The following SIN3B variants were observed in gnomAD, a reference collection of about 807,000 sequenced individuals.
SIN3B encodes the protein SIN3 transcription regulator family member B, also known as paired amphipathic helix protein Sin3b.
In SIN3B, 19 loss-of-function variants were observed where a neutral mutation model predicts 120.2. The observed-to-expected ratio is 0.16, with a 90% CI of 0.11 to 0.23. The LOEUF (loss-of-function observed/expected upper bound fraction) is 0.23. Ranked by LOEUF, SIN3B falls within the 10% of genes least tolerant of loss-of-function variation. The pLI is 1.00. For synonymous variants in SIN3B, 654 were observed against 653.2 expected, an observed-to-expected ratio of 1.00 and a Z score of -0.02; for missense variants, 1,073 against 1,573.0, an observed-to-expected ratio of 0.68 and a Z score of 5.38.
chr19:16,869,310 C>T, intron 12 of SIN3B, 150 bp from the exon 13 acceptor site: 1 of 1,014,038 alleles, frequency 9.9e-7, no homozygotes, highest in East Asian at 2.6e-5. Flanking sequence ...CCCCCAGGCC[C>T]TGCTGCCTCA....
At chr19:16,865,304 A>AACCCC in intron 10 of SIN3B, 106 bp from the exon 11 acceptor site, 2 of 462,308 alleles carry the variant, frequency 4.3e-6, no homozygotes, top group Non-Finnish European at 7.9e-6. Flanking sequence ...TTAAATACAC[A>AACCCC]CACCCCCCCC....
intron 17 of SIN3B, 101 bp from the exon 18 acceptor site, chr19:16,878,082 C>T: frequency 1.0e-6 from 1 of 981,866 alleles, no homozygotes; most frequent in Non-Finnish European, 1.5e-6. Context: ...TGGGAGGTAG[C>T]ACATCTTCTG....
chr19:16,868,005 G>A (rs1971802268), intron 12 of SIN3B, among the ~76,000 whole-genome samples: 1 of 152,182 alleles, frequency 6.6e-6, no homozygotes, highest in Admixed American at 6.5e-5. Context: ...CAAAGGGAGG[G>A]GCACCAAGGT....
chr19:16,876,241 C>T lies in SIN3B; in HGVS notation c.2766+13C>T, dbSNP rs748141830. ...GAACTGCTTCAAGGTGAGAGGAGGC[C>T]TGGGGCTGGGAACACGCCGGGAGGC... is the stretch of plus-strand genomic sequence containing the variant. On this transcript the variant is annotated intron_variant, in intron 15 of 18. Transcript: ENST00000248054. The surrounding 1 kb of genome is among the most constrained non-coding windows in gnomAD (Gnocchi z 7.1). 6.2e-7 allele frequency: 1 copy of T among 1,603,080 alleles called. No homozygotes were observed. Among genetic ancestry groups the T allele is most frequent in the Non-Finnish European group, 8.5e-7 (1 of 1,172,618 alleles).
Position 16,836,926 on chromosome 19 carries a change from C to A in SIN3B, c.382-4842C>A, listed in dbSNP as rs190062476. ...TTGGCTCATGGAGCAGGCGGTGACCCCTTCTCCGAGCCAGGCCCTGGGGTT... is the reference window on the plus strand; with the variant it reads ...TTGGCTCATGGAGCAGGCGGTGACCACTTCTCCGAGCCAGGCCCTGGGGTT... On this transcript the variant is annotated intron_variant, in intron 3 of 18. Transcript: ENST00000248054. Among the ~76,000 whole-genome samples the A allele has an allele frequency of 3.3e-5, 5 of 152,278 alleles. No individual in the cohort carries two copies. The East Asian group carries it at 9.6e-4, about 29-fold the overall frequency.
rs555527308 is a variant in SIN3B at position 16,859,142 on chromosome 19, C to T, written c.1059-3210C>T. Among the ~76,000 whole-genome samples the T allele has an allele frequency of 3.9e-5, 6 of 152,066 alleles. No individual in the cohort carries two copies. The South Asian group carries it at 1.0e-3, about 26-fold the overall frequency. On this transcript the variant is annotated intron_variant, in intron 8 of 18. Coordinates refer to ENST00000248054, the MANE Select transcript of SIN3B (RefSeq NM_001297595.2). ...CTCAGCCTGGGTAACAGAGTGAGAA[C>T]CTGTCTCAAAAAAAAATAAGGAAGC...
At chr19:16,873,830 A>C (rs2051545647) in intron 14 of SIN3B, among the ~76,000 whole-genome samples, 6 of 152,208 alleles carry the variant, frequency 3.9e-5, no homozygotes, top group Admixed American at 3.3e-4. Flanking sequence ...CACTGTTTGT[A>C]ACCTGCCTCG....
intron 5 of SIN3B, among the ~76,000 whole-genome samples, chr19:16,850,380 C>G (rs146301667): frequency 6.3e-4 from 96 of 152,154 alleles, no homozygotes; most frequent in Middle Eastern, 3.4e-3. Flanking sequence ...GTAACAAATA[C>G]TTTTTACAAA....
chr19:16,838,597 G>A (rs1488416454), intron 3 of SIN3B, among the ~76,000 whole-genome samples: 2 of 152,136 alleles, frequency 1.3e-5, no homozygotes, highest in African/African-American at 4.8e-5. Context: ...TGTTTGGCCT[G>A]TTTCCACCTT....
intron 14 of SIN3B, among the ~76,000 whole-genome samples, chr19:16,873,907 GT>G (rs2051546717): frequency 1.3e-5 from 2 of 152,230 alleles, no homozygotes; most frequent in Non-Finnish European, 2.9e-5. Context: ...AGCAGTAGCA[GT>G]TGGCATTCAG....
chr19:16,867,928 G>T (rs1331284523), intron 12 of SIN3B, among the ~76,000 whole-genome samples: 2 of 152,210 alleles, frequency 1.3e-5, no homozygotes, highest in Non-Finnish European at 2.9e-5. Flanking sequence ...TGCAGATGAT[G>T]AAGTAGCCCT....
At chr19:16,868,269 A>T (rs995229638) in intron 12 of SIN3B, among the ~76,000 whole-genome samples, 1 of 152,204 alleles carries the variant, frequency 6.6e-6, no homozygotes, top group African/African-American at 2.4e-5. Context: ...GAACCAGGTC[A>T]GTGTGCTTGG....
Position 16,876,620 on chromosome 19 carries a change from C to A in SIN3B, c.2859+42C>A. The A allele has an allele frequency of 6.6e-7, 1 of 1,507,408 alleles. No individual in the cohort carries two copies. Among genetic ancestry groups the A allele is most frequent in the Non-Finnish European group, 9.2e-7 (1 of 1,089,770 alleles). 93.4% of individuals were successfully genotyped at this position (1,507,408 alleles called of 1,614,324 possible). On this transcript the variant is annotated intron_variant, in intron 16 of 18. Transcript: ENST00000248054. This position sits in a 1 kb window ranked among gnomAD's most constrained non-coding sequence, Gnocchi z 7.1. ...AGTCTGTGCCACGCATACCAGGGAGCGCCTGAGGGCAGCAGCATGGGGCTC... is the reference window on the plus strand; with the variant it reads ...AGTCTGTGCCACGCATACCAGGGAGAGCCTGAGGGCAGCAGCATGGGGCTC...
In SIN3B at chr19:16,840,095, A is replaced by G. The variant is rs145403362; in HGVS notation, c.382-1673A>G. 4.3e-4 allele frequency among the ~76,000 whole-genome samples: 65 copies of G among 152,176 alleles called. No homozygotes were observed. The East Asian group carries it at 0.011, about 26-fold the overall frequency. On this transcript the variant is annotated intron_variant, in intron 3 of 18. Transcript: ENST00000248054. ...TGTATTTCTGCTTTTCTCAGCTGAG[A>G]CTTTCTAGAATTGTCTCTGTACCCA...
At chr19:16,856,470 A>T (rs1233905074) in intron 8 of SIN3B, among the ~76,000 whole-genome samples, 1 of 152,224 alleles carries the variant, frequency 6.6e-6, no homozygotes, top group Non-Finnish European at 1.5e-5. Flanking sequence ...AGAATCTCAC[A>T]AATAAAAGGA....
chr19:16,848,147 A>G (rs1231463998), intron 5 of SIN3B, among the ~76,000 whole-genome samples: 1 of 152,160 alleles, frequency 6.6e-6, no homozygotes, highest in African/African-American at 2.4e-5. Flanking sequence ...GTTTATCCGT[A>G]TTCTGTTGAT....
chr19:16,878,141 A>G (rs2051634870), intron 17 of SIN3B, 42 bp from the exon 18 acceptor site: 18 of 1,477,784 alleles, frequency 1.2e-5, no homozygotes, highest in South Asian at 6.5e-5. Flanking sequence ...TCCTCCCACA[A>G]TGCCGAGAGC....
chr19:16,875,644 TTGGTC>T (rs1477782820), intron 14 of SIN3B, among the ~76,000 whole-genome samples: 1,523 of 144,382 alleles, frequency 0.011, 33 homozygotes, highest in African/African-American at 0.038. Context: ...TCTGGTCTGT[TTGGTC>T]TGGTCTGGTC....
At position 16,876,644 on chromosome 19, in the gene SIN3B, TC is replaced by T; in HGVS notation, c.2859+69del. On this transcript the variant is annotated intron_variant, in intron 16 of 18. Coordinates refer to ENST00000248054, the MANE Select transcript of SIN3B (RefSeq NM_001297595.2). The surrounding 1 kb of genome is among the most constrained non-coding windows in gnomAD (Gnocchi z 7.1). ...GCGCCTGAGGGCAGCAGCATGGGGC[TC>T]CCACCAGCCAAGCGCAGGCCGCGCA... 7.6e-7 allele frequency: 1 copy of T among 1,307,538 alleles called. No homozygotes were observed. Among genetic ancestry groups the T allele is most frequent in the Non-Finnish European group, 1.1e-6 (1 of 918,320 alleles). The allele number at this position is 1,307,538 out of a possible 1,614,324, so 81.0% of individuals were successfully genotyped here. A position where few individuals can be genotyped will look rare whatever the true frequency, so the allele number is the denominator to read the frequency against.
Sources: allele counts gnomAD v4.1 joint callset (sites outside exome capture counted in the v4.1 genomes callset), GRCh38; gene constraint gnomAD v4.1.1; non-coding constraint Gnocchi (gnomAD v3.1); transcripts MANE v1.5; gene names NCBI Gene and HGNC (gene_info 2026-07-23, HGNC 2026-07-21).